Variants in SPATA21 observed in about 807,000 individuals in gnomAD.
SPATA21 encodes the protein spermatogenesis-associated protein 21.
A neutral mutation model predicts 54.8 loss-of-function variants in SPATA21; 47 were observed. The observed-to-expected ratio is 0.86, with a 90% CI of 0.68 to 1.09. The LOEUF is 1.09. Ranked by LOEUF, SPATA21 falls within the 50% of genes least tolerant of loss-of-function variation. The pLI, the probability that SPATA21 is intolerant of heterozygous loss-of-function variation, is 0.00. For missense variants in SPATA21, 599 were observed against 596.4 expected, an observed-to-expected ratio of 1.00 and a Z score of -0.05; for synonymous variants, 245 against 235.3, an observed-to-expected ratio of 1.04 and a Z score of -0.38.
Position 16,400,727 on chromosome 1 carries a change from C to G in SPATA21, c.1167G>C (p.Gln389His), listed in dbSNP as rs752558880. 1.9e-5 allele frequency: 31 copies of G among 1,601,762 alleles called. No individual in the cohort carries two copies. Among genetic ancestry groups the G allele is most frequent in the Non-Finnish European group, 2.3e-5 (27 of 1,173,754 alleles). ...CCTGCCCAGGGCCCTCACCATAGTT[C>G]TGCTGCTTCAGCCGGCTCAGGATAC... ...VLSILSRLKQ[Q>H]NYAPNLQSPY... Residue 389 changes from glutamine (Q) to histidine (H), a missense_variant, in exon 11 of 13, where the codon CAG becomes CAC. By Grantham distance (24) the Gln-to-His change is conservative. Coordinates refer to ENST00000335496, the MANE Select transcript of SPATA21 (RefSeq NM_198546.1).
chr1:16,409,107 C>T lies in SPATA21; in HGVS notation c.673+11G>A, dbSNP rs1570125049. 1.2e-6 allele frequency: 2 copies of T among 1,614,038 alleles called. No homozygotes were observed. The highest frequency in any genetic ancestry group is 2.2e-5 in the East Asian group (1 of 44,852). On this transcript the variant is annotated intron_variant, in intron 7 of 12. Coordinates refer to ENST00000335496, the MANE Select transcript of SPATA21 (RefSeq NM_198546.1). The surrounding 1 kb of genome is among the most constrained non-coding windows in gnomAD (Gnocchi z 4.1). The stretch of plus-strand genomic sequence containing the variant: ...CCTGTGCTGGGACCTCCCTGACCTC[C>T]CTGCCCTCACCTTCCTCTTGCTTCA...
intron 11 of SPATA21, chr1:16,400,332 A>T: frequency 3.0e-6 from 2 of 663,540 alleles, no homozygotes; most frequent in South Asian, 6.7e-5. Flanking sequence ...TCATTTTTCT[A>T]ATCTGTAAAA....
At chr1:16,403,627 G>T in intron 10 of SPATA21, 100 bp downstream of exon 10, 1 of 1,049,410 alleles carries the variant, frequency 9.5e-7, no homozygotes, top group Non-Finnish European at 1.5e-6. Context: ...TCTTTCACTT[G>T]TGACTAAAAG....
chr1:16,406,773 G>A (rs1021262572), intron 7 of SPATA21, among the ~76,000 whole-genome samples: 2 of 152,176 alleles, frequency 1.3e-5, no homozygotes, highest in Non-Finnish European at 2.9e-5. Context: ...ACGCAAATTT[G>A]GACACACACA....
intron 3 of SPATA21, among the ~76,000 whole-genome samples, chr1:16,429,400 G>A (rs1433051376): frequency 6.6e-6 from 1 of 151,882 alleles, no homozygotes; most frequent in Non-Finnish European, 1.5e-5. Flanking sequence ...CCAAAGTATT[G>A]GGAGCAGGCG....
intron 5 of SPATA21, among the ~76,000 whole-genome samples, chr1:16,414,015 GT>G (rs34726819): frequency 4.6e-5 from 7 of 151,662 alleles, no homozygotes; most frequent in East Asian, 3.9e-4. Flanking sequence ...GTTATTTTCT[GT>G]TTTTTTTCTT....
chr1:16,410,299 G>A (rs985970729), intron 5 of SPATA21, among the ~76,000 whole-genome samples: 3 of 152,194 alleles, frequency 2.0e-5, no homozygotes, highest in African/African-American at 4.8e-5. Context: ...AGGCTGGAGT[G>A]CAGTGGTGTG....
intron 11 of SPATA21, 53 bp downstream of exon 11, chr1:16,400,667 C>T (rs1180851936): frequency 1.3e-6 from 2 of 1,546,160 alleles, no homozygotes; most frequent in African/African-American, 2.8e-5. Flanking sequence ...ACCAGATGGG[C>T]AAGAGAGCAA....
chr1:16,401,759 G>A (rs867006784), intron 10 of SPATA21, among the ~76,000 whole-genome samples: 12 of 152,042 alleles, frequency 7.9e-5, no homozygotes, highest in Admixed American at 3.9e-4. Flanking sequence ...CTAGGCTCCC[G>A]CTGGAGGCCC....
In SPATA21 at chr1:16,409,486, GA is replaced by G; in HGVS notation, c.587+114del. The G allele has an allele frequency of 3.6e-6, 4 of 1,115,172 alleles. No individual in the cohort carries two copies. Among genetic ancestry groups the G allele is most frequent in the Non-Finnish European group, 5.1e-6 (4 of 788,006 alleles). The allele number at this position is 1,115,172 out of a possible 1,614,324, so 69.1% of individuals were successfully genotyped here. A position where few individuals can be genotyped will look rare whatever the true frequency, so the allele number is the denominator to read the frequency against. On this transcript the variant is annotated intron_variant, in intron 6 of 12. Coordinates refer to ENST00000335496, the MANE Select transcript of SPATA21 (RefSeq NM_198546.1). The surrounding 1 kb of genome is among the most constrained non-coding windows in gnomAD (Gnocchi z 4.1). ...GAGGAGACACATGAGGAGAAATGGA[GA>G]GAGGGGGACACACGAGGGAACAGGC...
intron 3 of SPATA21, chr1:16,425,136 C>T (rs1404480323): frequency 2.2e-6 from 1 of 449,132 alleles, no homozygotes; most frequent in South Asian, 1.6e-5. Context: ...CCAGGCTGGT[C>T]TTGACCTCAG....
At chr1:16,426,432 T>C (rs1570201318) in intron 3 of SPATA21, among the ~76,000 whole-genome samples, 2 of 143,310 alleles carry the variant, frequency 1.4e-5, no homozygotes, top group South Asian at 4.5e-4. Context: ...CCAATCTTCA[T>C]ATTTTTTGTA....
intron 8 of SPATA21, 57 bp from the exon 9 acceptor site, chr1:16,404,096 G>T: frequency 6.9e-7 from 1 of 1,439,776 alleles, no homozygotes; most frequent in Non-Finnish European, 9.6e-7. Context: ...TCCATGCCTT[G>T]CAGCCCAGGC....
chr1:16,425,554 G>A (rs914254436), intron 3 of SPATA21: 8 of 1,549,236 alleles, frequency 5.2e-6, no homozygotes, highest in African/African-American at 1.4e-5. Flanking sequence ...GATCCTCCCC[G>A]ATTCCCCGGT....
rs113405887 is a variant in SPATA21 at position 16,429,482 on chromosome 1, A to G, written c.34+1856T>C. 1.8e-3 allele frequency among the ~76,000 whole-genome samples: 269 copies of G among 148,888 alleles called. 1 individual carries two copies. The highest frequency in any genetic ancestry group is 0.01 in the Middle Eastern group (3 of 286). On this transcript the variant is annotated intron_variant, in intron 3 of 12. Transcript: ENST00000335496. ...TATTTATTTGTTTGTTTGTTTGTTTATTTATTTTTGAGATGGAGTTTCACT... is the reference window on the plus strand; with the variant it reads ...TATTTATTTGTTTGTTTGTTTGTTTGTTTATTTTTGAGATGGAGTTTCACT...
intron 10 of SPATA21, among the ~76,000 whole-genome samples, chr1:16,402,706 C>A (rs1489994992): frequency 2.0e-5 from 3 of 152,122 alleles, no homozygotes; most frequent in Non-Finnish European, 4.4e-5. Flanking sequence ...CAGGCACACA[C>A]CATCTTGCCC....
chr1:16,418,519 G>A (rs958807631), intron 5 of SPATA21, among the ~76,000 whole-genome samples: 3 of 151,324 alleles, frequency 2.0e-5, no homozygotes, highest in Middle Eastern at 3.2e-3. Flanking sequence ...TGATCCTCCC[G>A]CCTCAGCCTC....
intron 3 of SPATA21, among the ~76,000 whole-genome samples, chr1:16,426,316 T>C (rs1202919982): frequency 6.6e-6 from 1 of 151,672 alleles, no homozygotes; most frequent in Non-Finnish European, 1.5e-5. Context: ...TCGAGTGTAG[T>C]GGCATGATCT....
At chr1:16,419,096 A>G (rs2086099071) in intron 5 of SPATA21, among the ~76,000 whole-genome samples, 1 of 152,208 alleles carries the variant, frequency 6.6e-6, no homozygotes, top group South Asian at 2.1e-4. Context: ...AAACAGGACA[A>G]TGTGATAGGC....
Sources: gnomAD v4.1 joint callset for allele counts (sites outside exome capture counted in the v4.1 genomes callset) on GRCh38, gnomAD v4.1.1 for gene constraint, Gnocchi (gnomAD v3.1) non-coding constraint, MANE v1.5 for transcripts, NCBI Gene and HGNC (gene_info 2026-07-23, HGNC 2026-07-21) for gene names.